MGAT4C: variants seen among roughly 807,000 people sequenced by gnomAD.
MGAT4C encodes the protein alpha-1,3-mannosyl-glycoprotein 4-beta-N-acetylglucosaminyltransferase C.
In MGAT4C, 19 loss-of-function variants were observed where a neutral mutation model predicts 40.1. The ratio of observed to expected loss-of-function variants is 0.47; its 90% CI spans 0.33 to 0.70. The LOEUF (loss-of-function observed/expected upper bound fraction) is 0.70, where lower values mean the gene tolerates loss of function less well. Ranked by LOEUF, MGAT4C falls within the 30% of genes least tolerant of loss-of-function variation. The pLI, the probability that MGAT4C is intolerant of heterozygous loss-of-function variation, is 0.02. For synonymous variants in MGAT4C, 181 were observed against 187.1 expected (o/e 0.97, Z 0.27); for missense variants, 491 against 563.2 (o/e 0.87, Z 1.30).
chr12:86,633,767 C>T (rs190240562), intron 2 of MGAT4C, among the ~76,000 whole-genome samples: 4 of 151,940 alleles, frequency 2.6e-5, no homozygotes, highest in African/African-American at 7.2e-5. Context: ...GTAAACTAGA[C>T]GATAAGATTT....
At position 86,475,584 on chromosome 12, in the gene MGAT4C, A is replaced by T. The variant is rs1441052748; in HGVS notation, c.-228-40319T>A. Among the ~76,000 whole-genome samples, 6 of 152,114 alleles carry T rather than the reference A, an allele frequency of 3.9e-5. No individual in the cohort carries two copies. In the East Asian group the frequency reaches 1.2e-3, roughly 29 times the overall value. ...ACACAGAATCTATATGTTGTATAGA[A>T]AGCATGAATTATATTTCATTTTAGT... is the stretch of plus-strand genomic sequence containing the variant. On this transcript the variant is annotated intron_variant, in intron 2 of 7. Transcript: ENST00000548651.
intron 3 of MGAT4C, among the ~76,000 whole-genome samples, chr12:86,406,677 T>C (rs975107605): frequency 6.6e-6 from 1 of 151,938 alleles, no homozygotes; most frequent in South Asian, 2.1e-4. Context: ...TGTAAAATGG[T>C]ACAACCACTC....
At chr12:86,227,902 C>T (rs79483020) in intron 1 of MGAT4C, among the ~76,000 whole-genome samples, 112 of 151,880 alleles carry the variant, frequency 7.4e-4, no homozygotes, top group African/African-American at 2.6e-3. Flanking sequence ...GATTCTTTCC[C>T]CATTTTAATA....
chr12:86,291,303 C>G (rs1305330783), intron 4 of MGAT4C, among the ~76,000 whole-genome samples: 5 of 152,184 alleles, frequency 3.3e-5, no homozygotes, highest in African/African-American at 1.2e-4. Flanking sequence ...CTAGAAAGAA[C>G]TCTTGGACAT....
chr12:86,787,143 C>A lies in MGAT4C; in HGVS notation c.-262+51523G>T, dbSNP rs77702562. Among the ~76,000 whole-genome samples the A allele has an allele frequency of 0.02, 3,064 of 152,156 alleles. 220 individuals carry two copies. The East Asian group carries it at 0.25, about 12-fold the overall frequency. On this transcript the variant is annotated intron_variant, in intron 1 of 7. Coordinates refer to the MGAT4C transcript ENST00000548651. Reference sequence around the variant, plus strand: ...TTGCATACATTATGTAATTTCTCATCCCTTACCCCCCTCACACCCTCCCAC... The same window carrying A: ...TTGCATACATTATGTAATTTCTCATACCTTACCCCCCTCACACCCTCCCAC...
chr12:86,091,465 A>C (rs1872873753), intron 1 of MGAT4C, among the ~76,000 whole-genome samples: 1 of 152,040 alleles, frequency 6.6e-6, no homozygotes, highest in Non-Finnish European at 1.5e-5. Flanking sequence ...GCAGAGCATA[A>C]AGTGGCTAAC....
chr12:86,789,975 G>A (rs1458700020), intron 1 of MGAT4C, among the ~76,000 whole-genome samples: 1 of 152,090 alleles, frequency 6.6e-6, no homozygotes, highest in Admixed American at 6.6e-5. Context: ...GCCCTAAAGG[G>A]TACAAACTAA....
intron 1 of MGAT4C, among the ~76,000 whole-genome samples, chr12:86,245,144 C>T (rs1248558750): frequency 6.6e-6 from 1 of 152,132 alleles, no homozygotes; most frequent in African/African-American, 2.4e-5. Flanking sequence ...GTGAGATCAG[C>T]CATCTACCCT....
chr12:85,981,807 CT>C (rs898972742), intron 4 of MGAT4C, among the ~76,000 whole-genome samples: 1 of 152,146 alleles, frequency 6.6e-6, no homozygotes, highest in African/African-American at 2.4e-5. Flanking sequence ...CTGTCTCACT[CT>C]TTTATCCTCT....
At position 86,473,743 on chromosome 12, in the gene MGAT4C, T is replaced by C. The variant is rs1447125065; in HGVS notation, c.-228-38478A>G. On this transcript the variant is annotated intron_variant, in intron 2 of 7. Coordinates refer to the MGAT4C transcript ENST00000548651. ...ACTGTATATTAAGACTTTCTAAATTTGCTTCCCTAAGATAGAGTGATATTC... is the reference window on the plus strand; with the variant it reads ...ACTGTATATTAAGACTTTCTAAATTCGCTTCCCTAAGATAGAGTGATATTC... 2.6e-5 allele frequency among the ~76,000 whole-genome samples: 4 copies of C among 152,344 alleles called. No individual in the cohort carries two copies. In the East Asian group the frequency reaches 7.7e-4, roughly 29 times the overall value.
intron 1 of MGAT4C, among the ~76,000 whole-genome samples, chr12:86,076,376 T>C (rs948534945): frequency 1.3e-5 from 2 of 152,298 alleles, no homozygotes; most frequent in African/African-American, 2.4e-5. Context: ...TTCCACATTT[T>C]CCTTTTTTCT....
chr12:86,210,452 C>T (rs1025049290), intron 1 of MGAT4C, among the ~76,000 whole-genome samples: 1 of 152,116 alleles, frequency 6.6e-6, no homozygotes, highest in African/African-American at 2.4e-5. Flanking sequence ...GTTTTTATAT[C>T]CTGTGATTGG....
At chr12:86,275,710 C>T (rs1390394197) in intron 4 of MGAT4C, among the ~76,000 whole-genome samples, 1 of 152,024 alleles carries the variant, frequency 6.6e-6, no homozygotes, top group Non-Finnish European at 1.5e-5. Flanking sequence ...ATTCAGGCAG[C>T]CTCAAGAAGC....
intron 2 of MGAT4C, among the ~76,000 whole-genome samples, chr12:86,670,574 G>T (rs1254461723): frequency 1.3e-5 from 2 of 152,030 alleles, no homozygotes; most frequent in Admixed American, 6.6e-5. Flanking sequence ...TGAGAAATAT[G>T]GGATTATATA....
chr12:86,765,962 A>G (rs1273452335), intron 1 of MGAT4C, among the ~76,000 whole-genome samples: 1 of 152,190 alleles, frequency 6.6e-6, no homozygotes, highest in Non-Finnish European at 1.5e-5. Flanking sequence ...GCATCAACTA[A>G]TGAGTAAAAT....
chr12:86,599,900 G>A (rs1961700291), intron 2 of MGAT4C, among the ~76,000 whole-genome samples: 1 of 152,102 alleles, frequency 6.6e-6, no homozygotes. Context: ...GTACCTCCAT[G>A]AAGTACACAG....
chr12:86,780,407 G>A (rs1434061025), intron 1 of MGAT4C, among the ~76,000 whole-genome samples: 1 of 151,942 alleles, frequency 6.6e-6, no homozygotes, highest in Non-Finnish European at 1.5e-5. Context: ...GTGATCTTCA[G>A]TGTTAGAGGA....
At chr12:86,814,109 A>G (rs1479497920) in intron 1 of MGAT4C, among the ~76,000 whole-genome samples, 3 of 151,898 alleles carry the variant, frequency 2.0e-5, no homozygotes, top group Admixed American at 6.6e-5. Context: ...ACAGGGTTTC[A>G]CCGTGTTGCC....
At chr12:86,353,389 CAAA>C (rs1955223075) in intron 3 of MGAT4C, among the ~76,000 whole-genome samples, 1 of 152,134 alleles carries the variant, frequency 6.6e-6, no homozygotes, top group Non-Finnish European at 1.5e-5. Context: ...AATTAAAACT[CAAA>C]GAAGAATCCC....
Sources: allele counts gnomAD v4.1 joint callset (sites outside exome capture counted in the v4.1 genomes callset), GRCh38; gene constraint gnomAD v4.1.1; transcripts MANE v1.5; gene names NCBI Gene and HGNC (gene_info 2026-07-23, HGNC 2026-07-21).